The following THEMIS variants were observed in gnomAD, a reference collection of about 807,000 sequenced individuals.
THEMIS encodes the protein protein THEMIS.
THEMIS carries 37 observed loss-of-function variants against 52.6 expected under a neutral mutation model. That is an observed-to-expected ratio of 0.70 (90% CI 0.54 to 0.93). THEMIS has a LOEUF of 0.93. Ranked by LOEUF, THEMIS falls within the 40% of genes least tolerant of loss-of-function variation. The probability of loss-of-function intolerance (pLI) is 0.00; values close to 1 mark genes in which losing one functional copy is unlikely to be tolerated. For synonymous variants in THEMIS, 292 were observed against 272.7 expected (o/e 1.07, Z -0.70); for missense variants, 808 against 763.1 (o/e 1.06, Z -0.69).
At chr6:127,892,047 G>A (rs1780828485) in intron 1 of THEMIS, among the ~76,000 whole-genome samples, 1 of 152,030 alleles carries the variant, frequency 6.6e-6, no homozygotes, top group South Asian at 2.1e-4. Flanking sequence ...CTTCAGAGTG[G>A]CCTTCCCTGA....
In THEMIS at chr6:127,743,699, A is replaced by T. The variant is rs143465592; in HGVS notation, c.1759-23876T>A. Among the ~76,000 whole-genome samples the T allele has an allele frequency of 2.8e-4, 42 of 152,212 alleles. No individual in the cohort carries two copies. In the Middle Eastern group the frequency reaches 0.024, roughly 86 times the overall value. On this transcript the variant is annotated intron_variant, in intron 4 of 5. Transcript: ENST00000368248. ...TCACATATGTGTGATGATGAAAAGG[A>T]TGATGATTAAAACAAATTCTTTTAT...
intron 4 of THEMIS, among the ~76,000 whole-genome samples, chr6:127,725,355 A>G (rs1157353347): frequency 6.6e-6 from 1 of 152,036 alleles, no homozygotes; most frequent in Admixed American, 6.6e-5. Flanking sequence ...AAATCGAATC[A>G]CATCAAATAC....
At chr6:127,894,777 A>AATTTTAGAAAATTAT (rs1780913563) in intron 1 of THEMIS, among the ~76,000 whole-genome samples, 1 of 151,620 alleles carries the variant, frequency 6.6e-6, no homozygotes, top group African/African-American at 2.4e-5. Flanking sequence ...TGTTAAACCT[A>AATTTTAGAAAATTAT]CTTTTAGAAA....
At chr6:127,856,323 GT>G (rs1379184845) in intron 1 of THEMIS, among the ~76,000 whole-genome samples, 3 of 151,926 alleles carry the variant, frequency 2.0e-5, no homozygotes, top group African/African-American at 7.2e-5. Context: ...CAACTCTGAG[GT>G]CATATCAGAG....
At chr6:127,781,012 G>A (rs1477265852) in intron 4 of THEMIS, among the ~76,000 whole-genome samples, 12 of 151,958 alleles carry the variant, frequency 7.9e-5, no homozygotes, top group African/African-American at 2.9e-4. Context: ...CATTCTTTCC[G>A]TCACTTTCAG....
In THEMIS at chr6:127,830,012, T is replaced by TA. The variant is rs1211794420; in HGVS notation, c.251-79dup. The TA allele has an allele frequency of 1.2e-5, 13 of 1,045,672 alleles. No individual in the cohort carries two copies. The South Asian group carries it at 1.6e-4, about 13-fold the overall frequency. 64.8% of individuals were successfully genotyped at this position (1,045,672 alleles called of 1,614,324 possible). On this transcript the variant is annotated intron_variant, in intron 2 of 5. Coordinates refer to ENST00000368248, the MANE Select transcript of THEMIS (RefSeq NM_001010923.3). ...CACAAGAAAATCACAAGGAGAGAGTTACAACACAAGTACTGCATACATTTT... is the reference window on the plus strand; with the variant it reads ...CACAAGAAAATCACAAGGAGAGAGTTAACAACACAAGTACTGCATACATTTT...
chr6:127,849,059 G>T (rs1480757948), intron 2 of THEMIS, among the ~76,000 whole-genome samples: 2 of 152,186 alleles, frequency 1.3e-5, no homozygotes, highest in East Asian at 3.9e-4. Context: ...ATGGTTTTAG[G>T]TCTAACATTT....
chr6:127,873,162 A>G (rs537906777), intron 1 of THEMIS, among the ~76,000 whole-genome samples: 1 of 152,350 alleles, frequency 6.6e-6, no homozygotes, highest in South Asian at 2.1e-4. Flanking sequence ...TGGAATGGAA[A>G]GACATACTGT....
intron 4 of THEMIS, among the ~76,000 whole-genome samples, chr6:127,784,155 A>C (rs1266658681): frequency 6.6e-6 from 1 of 152,144 alleles, no homozygotes; most frequent in Admixed American, 6.5e-5. Flanking sequence ...CAAACACCGC[A>C]TATTGTCACT....
intron 2 of THEMIS, among the ~76,000 whole-genome samples, chr6:127,831,111 T>C (rs1462567722): frequency 1.3e-5 from 2 of 152,170 alleles, no homozygotes; most frequent in African/African-American, 4.8e-5. Flanking sequence ...CTTCTCTAAT[T>C]TTTCCATTAG....
intron 4 of THEMIS, among the ~76,000 whole-genome samples, chr6:127,796,959 A>G (rs1362905106): frequency 6.6e-6 from 1 of 152,234 alleles, no homozygotes; most frequent in Admixed American, 6.5e-5. Flanking sequence ...TACATGGTTC[A>G]TAAAAATCCA....
At chr6:127,917,183 A>G (rs1270486704) in intron 1 of THEMIS, among the ~76,000 whole-genome samples, 2 of 152,234 alleles carry the variant, frequency 1.3e-5, no homozygotes, top group African/African-American at 4.8e-5. Context: ...CACAAACTAT[A>G]GCAGAAAGAT....
intron 5 of THEMIS, among the ~76,000 whole-genome samples, chr6:127,711,184 AT>A (rs576066572): frequency 0.058 from 8,659 of 149,368 alleles, 275 homozygotes; most frequent in Non-Finnish European, 0.081. Context: ...TCATTTTCTC[AT>A]TTTTTTTTAA....
intron 1 of THEMIS, among the ~76,000 whole-genome samples, chr6:127,864,256 AT>A (rs534390810): frequency 3.3e-5 from 5 of 151,096 alleles, no homozygotes; most frequent in African/African-American, 4.9e-5. Flanking sequence ...AAAAATTGGG[AT>A]TTTTTTTTAG....
At chr6:127,700,635 G>T in the THEMIS span, among the ~76,000 whole-genome samples, 3 of 151,958 alleles carry the variant, frequency 2.0e-5, no homozygotes, top group African/African-American at 7.2e-5. Flanking sequence ...ATATTTATGA[G>T]ATCATCCCAA....
In THEMIS at chr6:127,829,844, T is replaced by A; in HGVS notation, c.341A>T (p.His114Leu). The change falls in exon 3 of 6, where the codon CAT becomes CTT. Residue 114 changes from histidine to leucine, a missense_variant. Coordinates refer to ENST00000368248, the MANE Select transcript of THEMIS (RefSeq NM_001010923.3). Reference protein sequence around the residue: ...TIHIGPSRLGHPCFYHQKDIK... With the variant: ...TIHIGPSRLGLPCFYHQKDIK... ...ATCCTTCTGATGATAGAAGCAAGGA[T>A]GCCCTAGTCTACTTGGTCCAATATG... 1 of 1,614,150 alleles carries A rather than the reference T, an allele frequency of 6.2e-7. No individual in the cohort carries two copies. The highest frequency in any genetic ancestry group is 1.3e-5 in the African/African-American group (1 of 75,062).
intron 3 of THEMIS, among the ~76,000 whole-genome samples, chr6:127,827,613 A>G (rs1778550408): frequency 6.6e-6 from 1 of 152,234 alleles, no homozygotes; most frequent in South Asian, 2.1e-4. Flanking sequence ...ATTACATTCA[A>G]TAGACTGCAC....
intron 4 of THEMIS, among the ~76,000 whole-genome samples, chr6:127,781,329 G>A (rs1776736910): frequency 1.3e-5 from 2 of 151,844 alleles, no homozygotes; most frequent in African/African-American, 4.8e-5. Flanking sequence ...CTTGCATGGG[G>A]TTAAAACATG....
At chr6:127,758,815 T>C (rs998104016) in intron 4 of THEMIS, among the ~76,000 whole-genome samples, 1 of 152,128 alleles carries the variant, frequency 6.6e-6, no homozygotes, top group African/African-American at 2.4e-5. Context: ...AAAAAGAAAC[T>C]GTTTCTTTGT....
Sources: gnomAD v4.1 joint callset for allele counts (sites outside exome capture counted in the v4.1 genomes callset) on GRCh38, gnomAD v4.1.1 for gene constraint, MANE v1.5 for transcripts, NCBI Gene and HGNC (gene_info 2026-07-23, HGNC 2026-07-21) for gene names.